Variants in TSPAN5 observed in about 807,000 individuals in gnomAD.
TSPAN5 encodes tetraspanin 5, also known as tetraspanin-5.
In TSPAN5, 10 loss-of-function variants were observed where a neutral mutation model predicts 37.1. That is an observed-to-expected ratio of 0.27 (90% confidence interval 0.17 to 0.46). The LOEUF (loss-of-function observed/expected upper bound fraction) is 0.46. Ranked by LOEUF, TSPAN5 falls within the 20% of genes least tolerant of loss-of-function variation. TSPAN5 has a pLI of 1.00. For missense variants in TSPAN5, 195 were observed against 326.6 expected, an observed-to-expected ratio of 0.60 and a Z score of 3.11; for synonymous variants, 110 against 118.9, an observed-to-expected ratio of 0.93 and a Z score of 0.48.
chr4:98,654,017 G>A (rs1401554813), intron 1 of TSPAN5, among the ~76,000 whole-genome samples: 2 of 152,216 alleles, frequency 1.3e-5, no homozygotes, highest in African/African-American at 2.4e-5. Context: ...GCTTCTTTAA[G>A]ACTTAGAGAC....
intron 1 of TSPAN5, among the ~76,000 whole-genome samples, chr4:98,643,595 T>C (rs1757002566): frequency 6.6e-6 from 1 of 152,174 alleles, no homozygotes; most frequent in South Asian, 2.1e-4. Flanking sequence ...TCTTTAAACA[T>C]GACAAGTAAA....
intron 1 of TSPAN5, among the ~76,000 whole-genome samples, chr4:98,524,350 A>G (rs1010622601): frequency 2.0e-5 from 3 of 152,240 alleles, no homozygotes; most frequent in African/African-American, 7.2e-5. Flanking sequence ...TTACAGTGGT[A>G]GCATAATGCT....
intron 2 of TSPAN5, among the ~76,000 whole-genome samples, chr4:98,502,518 C>T (rs983301122): frequency 3.3e-5 from 5 of 152,090 alleles, no homozygotes; most frequent in Non-Finnish European, 7.4e-5. Flanking sequence ...ATGTATTATG[C>T]CTTAGTCCTT....
At chr4:98,574,850 C>A (rs1755199218) in intron 1 of TSPAN5, 1 of 152,268 alleles carries the variant, frequency 6.6e-6, no homozygotes, top group Admixed American at 6.5e-5. Flanking sequence ...GTGAAGTCTG[C>A]TTTTTGTAAT....
At chr4:98,582,842 T>G (rs554990932) in intron 1 of TSPAN5, among the ~76,000 whole-genome samples, 1 of 152,296 alleles carries the variant, frequency 6.6e-6, no homozygotes, top group East Asian at 1.9e-4. Flanking sequence ...TATGTTGACT[T>G]TGTTCTATTA....
chr4:98,627,845 G>A (rs933929090), intron 1 of TSPAN5, among the ~76,000 whole-genome samples: 8 of 152,156 alleles, frequency 5.3e-5, no homozygotes, highest in Non-Finnish European at 1.2e-4. Context: ...CTGCTGTTGT[G>A]AGCCAAAGAG....
chr4:98,497,593 C>T (rs1753243221), intron 2 of TSPAN5, among the ~76,000 whole-genome samples: 1 of 152,208 alleles, frequency 6.6e-6, no homozygotes, highest in Non-Finnish European at 1.5e-5. Context: ...AAGGTGAAGT[C>T]TGGACTAGCG....
chr4:98,620,155 TG>T (rs1279246291), intron 1 of TSPAN5, among the ~76,000 whole-genome samples: 1 of 129,396 alleles, frequency 7.7e-6, no homozygotes, highest in African/African-American at 3.3e-5. Flanking sequence ...TAGAACATGT[TG>T]GAAATGACGC....
intron 1 of TSPAN5, among the ~76,000 whole-genome samples, chr4:98,509,604 G>A (rs1753559760): frequency 6.6e-6 from 1 of 152,128 alleles, no homozygotes; most frequent in South Asian, 2.1e-4. Context: ...TGCTCTTATA[G>A]GGGACTCCTT....
chr4:98,610,247 G>C (rs561590251), intron 1 of TSPAN5, among the ~76,000 whole-genome samples: 2 of 152,192 alleles, frequency 1.3e-5, no homozygotes, highest in Non-Finnish European at 2.9e-5. Context: ...GCAAGAGATC[G>C]AACTCAGCCT....
At chr4:98,488,349 T>C (rs1050275533) in intron 2 of TSPAN5, among the ~76,000 whole-genome samples, 4 of 152,356 alleles carry the variant, frequency 2.6e-5, no homozygotes, top group African/African-American at 9.6e-5. Context: ...TTGTTCTATT[T>C]TTCTGTCTGT....
intron 1 of TSPAN5, among the ~76,000 whole-genome samples, chr4:98,546,920 G>T (rs993419785): frequency 6.6e-6 from 1 of 152,226 alleles, no homozygotes; most frequent in Non-Finnish European, 1.5e-5. Context: ...GGGTGAAGCA[G>T]CGATATGAAA....
chr4:98,610,024 G>A (rs1474316891), intron 1 of TSPAN5, among the ~76,000 whole-genome samples: 9 of 152,188 alleles, frequency 5.9e-5, no homozygotes, highest in Non-Finnish European at 1.5e-5. Context: ...GTACAGCAAA[G>A]GCCCCGGGCC....
intron 1 of TSPAN5, among the ~76,000 whole-genome samples, chr4:98,609,568 C>A (rs2110232273): frequency 6.6e-6 from 1 of 152,286 alleles, no homozygotes; most frequent in South Asian, 2.1e-4. Flanking sequence ...GGAAGCTCCC[C>A]ACGAGCACTG....
At chr4:98,478,574 A>G in intron 5 of TSPAN5, 111 bp downstream of exon 5, 1 of 1,315,196 alleles carries the variant, frequency 7.6e-7, no homozygotes, top group Admixed American at 1.7e-5. Flanking sequence ...AGCTACAAAT[A>G]CGAGTAACCA....
chr4:98,588,263 G>A (rs1755541826), intron 1 of TSPAN5, among the ~76,000 whole-genome samples: 1 of 152,102 alleles, frequency 6.6e-6, no homozygotes, highest in Admixed American at 6.5e-5. Flanking sequence ...CCTTTTAAAT[G>A]AGCCAAGTGT....
At chr4:98,649,524 G>A (rs1757139815) in intron 1 of TSPAN5, among the ~76,000 whole-genome samples, 1 of 152,198 alleles carries the variant, frequency 6.6e-6, no homozygotes, top group Admixed American at 6.5e-5. Context: ...TTCGTTGGCT[G>A]CCAGGGAAAG....
Position 98,507,681 on chromosome 4 carries a change from T to C in TSPAN5, c.129A>G (p.Glu43=), listed in dbSNP as rs770586871. Residue 43 remains glutamate, a synonymous_variant, in exon 2 of 8, where the codon GAA becomes GAG. Transcript: ENST00000305798. ...FLGIGLWAWN[E]KGVLSNISSI... Reference sequence around the variant, plus strand: ...ATTGTCATGATATTCAACTTACTTTTTCATTCCATGCCCACAGTCCAATTC... The same window carrying C: ...ATTGTCATGATATTCAACTTACTTTCTCATTCCATGCCCACAGTCCAATTC... The C allele has an allele frequency of 6.2e-7, 1 of 1,610,060 alleles. No homozygotes were observed. The highest frequency in any genetic ancestry group is 1.1e-5 in the South Asian group (1 of 89,984).
intron 1 of TSPAN5, among the ~76,000 whole-genome samples, chr4:98,522,108 A>G (rs1753869392): frequency 6.6e-6 from 1 of 152,246 alleles, no homozygotes; most frequent in African/African-American, 2.4e-5. Flanking sequence ...TCAAAGCTTC[A>G]GACATTGTAC....
Sources: gnomAD v4.1 joint callset for allele counts (sites outside exome capture counted in the v4.1 genomes callset) on GRCh38, gnomAD v4.1.1 for gene constraint, MANE v1.5 for transcripts, NCBI Gene and HGNC (gene_info 2026-07-23, HGNC 2026-07-21) for gene names.